MSRB1: variants seen among roughly 807,000 people sequenced by gnomAD.
MSRB1 encodes the protein methionine sulfoxide reductase B1.
In MSRB1, 13 loss-of-function variants were observed where a neutral mutation model predicts 15.2. The observed-to-expected ratio is 0.86, with a 90% CI of 0.56 to 1.36. MSRB1 has a LOEUF of 1.36. Ranked by LOEUF, MSRB1 falls within the 40% of genes most tolerant of loss-of-function variation. The pLI is 0.00. For synonymous variants in MSRB1, 68 were observed against 64.5 expected, an observed-to-expected ratio of 1.05 and a Z score of -0.26; for missense variants, 174 against 155.9, an observed-to-expected ratio of 1.12 and a Z score of -0.62.
chr16:1,938,784 G>T lies in MSRB1; in HGVS notation c.*328C>A. On this transcript the variant is annotated 3_prime_UTR_variant, in exon 4 of 4. Transcript: ENST00000361871. ...TCCAGAGACAGGGCCAGGAAAAGAA[G>T]GTGAGGGTGTAACGTCATTCAGAGA... 2.4e-6 allele frequency: 1 copy of T among 417,038 alleles called. No homozygotes were observed. The highest frequency in any genetic ancestry group is 4.3e-6 in the Non-Finnish European group (1 of 231,496). The allele number at this position is 417,038 out of a possible 1,614,324, so 25.8% of individuals were successfully genotyped here.
At position 1,941,320 on chromosome 16, in the gene MSRB1, G is replaced by C. The variant is rs372966990; in HGVS notation, c.141C>G (p.Thr47=). ...CCACGCTGTCGGCGTGAATGGTCTC[G>C]GTGAACGCCGGCCATGGAGACGAGT... The part of the protein sequence containing the change: ...YAHSSPWPAF[T]ETIHADSVAK... Residue 47 remains threonine (T), a synonymous_variant, in exon 2 of 4, where the codon ACC becomes ACG. Coordinates refer to ENST00000361871, the MANE Select transcript of MSRB1 (RefSeq NM_016332.4). 195 of 1,613,868 alleles carry C rather than the reference G, an allele frequency of 1.2e-4. 1 individual carries two copies. In the African/African-American group the frequency reaches 2.3e-3, roughly 19 times the overall value.
Position 1,941,345 on chromosome 16 carries a change from T to A in MSRB1, c.116A>T (p.His39Leu), listed in dbSNP as rs772372334. Residue 39 changes from histidine to leucine, a missense_variant, in exon 2 of 4, where the codon CAC becomes CTC. Transcript: ENST00000361871. ...GGTGAACGCCGGCCATGGAGACGAG[T>A]GTGCATACTTCGAGCGGCTGGAGAA... ...ELFSSRSKYA[H>L]SSPWPAFTET... 8.1e-6 allele frequency: 13 copies of A among 1,612,618 alleles called. 1 individual carries two copies. The South Asian group carries it at 1.4e-4, about 18-fold the overall frequency.
rs2083053177 is a variant in MSRB1 at position 1,938,475 on chromosome 16, C to G, written c.*637G>C. 1 of 154,842 alleles carries G rather than the reference C, an allele frequency of 6.5e-6. No individual in the cohort carries two copies. Among genetic ancestry groups the G allele is most frequent in the South Asian group, 1.9e-4 (1 of 5,378 alleles). 9.6% of individuals were successfully genotyped at this position (154,842 alleles called of 1,614,324 possible). ...CTTTCCTAAGCAGAAGTGAGGCAAG[C>G]TACTTCCGCACAGATTGTGAAACAG... On this transcript the variant is annotated 3_prime_UTR_variant, in exon 4 of 4. Transcript: ENST00000361871.
At chr16:1,941,045 G>T in intron 2 of MSRB1, 153 bp from the exon 3 acceptor site, 1 of 1,551,930 alleles carries the variant, frequency 6.4e-7, no homozygotes, top group Non-Finnish European at 8.7e-7. Flanking sequence ...CCTGGAGCCC[G>T]TACAGGAAAC....
intron 3 of MSRB1, 79 bp from the exon 4 acceptor site, chr16:1,939,222 G>A (rs2083059594): frequency 1.4e-6 from 2 of 1,469,888 alleles, no homozygotes; most frequent in South Asian, 1.3e-5. Context: ...CGGGGGCGGT[G>A]GAAAGCCAGG....
rs2083072577 is a variant in MSRB1, at chr16:1,940,970, G to C, written c.205-78C>G. The C allele has an allele frequency of 1.9e-6, 3 of 1,598,562 alleles. No homozygotes were observed. The East Asian group carries it at 6.8e-5, about 36-fold the overall frequency. ...GTGAAGGCCCTTACTGGGGCTGGCA[G>C]ATGGTGTTTCTTCCCACACGCCTAT... On this transcript the variant is annotated intron_variant, in intron 2 of 3. Transcript: ENST00000361871.
chr16:1,940,736 A>G, intron 3 of MSRB1, 42 bp downstream of exon 3: 1 of 1,581,532 alleles, frequency 6.3e-7, no homozygotes, highest in Admixed American at 1.7e-5. Flanking sequence ...CCTGGGCTCA[A>G]AGGCCAACAG....
At chr16:1,942,628 C>T (rs1225727233) in intron 1 of MSRB1, among the ~76,000 whole-genome samples, 1 of 152,260 alleles carries the variant, frequency 6.6e-6, no homozygotes, top group African/African-American at 2.4e-5. Flanking sequence ...TCCCAGAGAT[C>T]CCGGACTCGG....
chr16:1,942,959 G>C (rs1170588974), intron 1 of MSRB1, 143 bp downstream of exon 1: 25 of 1,168,718 alleles, frequency 2.1e-5, no homozygotes, highest in Middle Eastern at 5.4e-4. Flanking sequence ...CAGTCCTTTT[G>C]ACCCCTGTTC....
chr16:1,939,163 G>A lies in MSRB1; in HGVS notation c.320-20C>T. ...CTTTGCCTGAAAGAGAGGAGAGGGG[G>A]CGGAAAGTATGCGGGGACAGAAAGC... On this transcript the variant is annotated intron_variant, in intron 3 of 3. Transcript: ENST00000361871. 1 of 1,598,594 alleles carries A rather than the reference G, an allele frequency of 6.3e-7. No individual in the cohort carries two copies. Among genetic ancestry groups the A allele is most frequent in the Non-Finnish European group, 8.5e-7 (1 of 1,175,214 alleles).
chr16:1,941,138 C>T, intron 2 of MSRB1, 119 bp downstream of exon 2: 1 of 1,554,612 alleles, frequency 6.4e-7, no homozygotes, highest in Non-Finnish European at 8.7e-7. Context: ...AGGCAACAGG[C>T]CTGGAATAGA....
At chr16:1,942,085 C>G (rs866661278) in intron 1 of MSRB1, 4 of 152,376 alleles carry the variant, frequency 2.6e-5, no homozygotes, top group African/African-American at 2.4e-5. Context: ...TCCAGGGGTG[C>G]TGAGTCACCT....
chr16:1,940,370 C>T (rs748739914), intron 3 of MSRB1, among the ~76,000 whole-genome samples: 5 of 152,178 alleles, frequency 3.3e-5, no homozygotes, highest in African/African-American at 7.2e-5. Flanking sequence ...CTGCTACCAC[C>T]GCCACTCTGC....
chr16:1,941,542 G>A (rs539915416), intron 1 of MSRB1, 137 bp from the exon 2 acceptor site: 7 of 1,218,182 alleles, frequency 5.7e-6, no homozygotes, highest in Admixed American at 5.5e-5. Context: ...CCAGGCACCC[G>A]CCACGGGAGG....
In MSRB1 at chr16:1,939,159, G is replaced by A. The variant is rs367705411; in HGVS notation, c.320-16C>T. ...GTTTCTTTGCCTGAAAGAGAGGAGAGGGGGCGGAAAGTATGCGGGGACAGA... is the reference window on the plus strand; with the variant it reads ...GTTTCTTTGCCTGAAAGAGAGGAGAAGGGGCGGAAAGTATGCGGGGACAGA... On this transcript the variant is annotated splice_polypyrimidine_tract_variant and intron_variant, in intron 3 of 3. Coordinates refer to ENST00000361871, the MANE Select transcript of MSRB1 (RefSeq NM_016332.4). 6.2e-7 allele frequency: 1 copy of A among 1,601,964 alleles called. No homozygotes were observed. The highest frequency in any genetic ancestry group is 1.1e-5 in the South Asian group (1 of 89,918).
intron 3 of MSRB1, 49 bp from the exon 4 acceptor site, chr16:1,939,192 C>T (rs965484139): frequency 6.3e-7 from 1 of 1,578,612 alleles, no homozygotes; most frequent in African/African-American, 1.4e-5. Flanking sequence ...AGAAAGCAAG[C>T]AGGGGCGGAA....
intron 2 of MSRB1, 49 bp downstream of exon 2, chr16:1,941,208 T>C (rs777106871): frequency 5.0e-6 from 8 of 1,606,914 alleles, no homozygotes; most frequent in South Asian, 1.1e-5. Flanking sequence ...ACTGGCTCTC[T>C]GCTCTCCCTG....
chr16:1,942,857 C>T (rs747504174), intron 1 of MSRB1, among the ~76,000 whole-genome samples: 7 of 152,222 alleles, frequency 4.6e-5, no homozygotes, highest in Middle Eastern at 3.4e-3. Flanking sequence ...CACGTTCACA[C>T]TCGAGGCCTG....
chr16:1,940,717 GC>G (rs2083070968), intron 3 of MSRB1, 60 bp downstream of exon 3: 9 of 1,547,248 alleles, frequency 5.8e-6, no homozygotes, highest in Admixed American at 3.8e-5. Context: ...CAAACACTGG[GC>G]CCCCCAGCCT....
Sources: allele counts gnomAD v4.1 joint callset (sites outside exome capture counted in the v4.1 genomes callset), GRCh38; gene constraint gnomAD v4.1.1; transcripts MANE v1.5; gene names NCBI Gene and HGNC (gene_info 2026-07-23, HGNC 2026-07-21).